Variants in TXNRD2 observed in about 807,000 individuals in gnomAD.
The protein encoded by TXNRD2 is thioredoxin reductase 2, mitochondrial.
A neutral mutation model predicts 70.8 loss-of-function variants in TXNRD2; 67 were observed. The ratio of observed to expected loss-of-function variants is 0.95; its 90% CI spans 0.78 to 1.16. TXNRD2 has a LOEUF of 1.16. Among genes scored for constraint, TXNRD2 ranks in the 50% most tolerant of loss-of-function variants. The probability of loss-of-function intolerance (pLI) is 0.00; values close to 1 mark genes in which losing one functional copy is unlikely to be tolerated. For synonymous variants in TXNRD2, 301 were observed against 295.8 expected, an observed-to-expected ratio of 1.02 and a Z score of -0.18; for missense variants, 644 against 719.9, an observed-to-expected ratio of 0.89 and a Z score of 1.21.
At chr22:19,892,264 C>T (rs759807030) in intron 11 of TXNRD2, among the ~76,000 whole-genome samples, 1 of 152,380 alleles carries the variant, frequency 6.6e-6, no homozygotes, top group East Asian at 1.9e-4. Context: ...CAGCAGAAAA[C>T]GCTCGCAGTT....
At chr22:19,934,235 T>G (rs1170412700) in intron 1 of TXNRD2, among the ~76,000 whole-genome samples, 1 of 151,932 alleles carries the variant, frequency 6.6e-6, no homozygotes, top group East Asian at 1.9e-4. Context: ...CTTCCTACTC[T>G]AAAAGGAGAA....
intron 2 of TXNRD2, among the ~76,000 whole-genome samples, chr22:19,925,145 A>T (rs111619820): frequency 6.6e-6 from 1 of 151,710 alleles, no homozygotes; most frequent in Non-Finnish European, 1.5e-5. Context: ...TTAGACGGGC[A>T]TGGTGGCATG....
chr22:19,941,306 T>C (rs1367190429), intron 1 of TXNRD2, among the ~76,000 whole-genome samples: 2 of 152,130 alleles, frequency 1.3e-5, no homozygotes, highest in East Asian at 3.9e-4. Flanking sequence ...CATTGCTCTG[T>C]GCAGCCTCTA....
chr22:19,877,485 T>C (rs1241980763), intron 16 of TXNRD2, among the ~76,000 whole-genome samples: 1 of 152,122 alleles, frequency 6.6e-6, no homozygotes, highest in Non-Finnish European at 1.5e-5. Context: ...GGCTTCCTGC[T>C]GTTCCATCCT....
intron 1 of TXNRD2, among the ~76,000 whole-genome samples, chr22:19,939,249 G>C (rs1322579147): frequency 1.3e-5 from 2 of 152,128 alleles, no homozygotes; most frequent in Admixed American, 6.5e-5. Context: ...AATCAAAATG[G>C]GTCTGGTTCA....
intron 1 of TXNRD2, among the ~76,000 whole-genome samples, chr22:19,937,427 C>G (rs956544370): frequency 8.5e-5 from 13 of 152,284 alleles, no homozygotes; most frequent in Admixed American, 2.0e-4. Context: ...AAAAATCTGT[C>G]TCTGATGAGC....
At chr22:19,924,282 G>A (rs968129657) in intron 2 of TXNRD2, among the ~76,000 whole-genome samples, 11 of 151,874 alleles carry the variant, frequency 7.2e-5, no homozygotes, top group African/African-American at 2.4e-4. Context: ...TGATCCAAGC[G>A]AGGCTGAAAA....
chr22:19,881,214 T>A, intron 12 of TXNRD2: 1 of 403,566 alleles, frequency 2.5e-6, no homozygotes, highest in Non-Finnish European at 4.4e-6. Context: ...TGGAGATCCC[T>A]CCGTCCCAGG....
At chr22:19,912,039 C>T (rs1023391796) in intron 7 of TXNRD2, among the ~76,000 whole-genome samples, 3 of 152,136 alleles carry the variant, frequency 2.0e-5, no homozygotes, top group Non-Finnish European at 4.4e-5. Context: ...TGAGGGGCAG[C>T]TCTGAGGGCA....
intron 4 of TXNRD2, 73 bp from the exon 5 acceptor site, chr22:19,918,290 A>T: frequency 1.6e-6 from 2 of 1,258,590 alleles, no homozygotes; most frequent in East Asian, 2.3e-5. Context: ...ATGGACTATT[A>T]GATTCAAATG....
chr22:19,934,602 G>A (rs978284188), intron 1 of TXNRD2, among the ~76,000 whole-genome samples: 8 of 143,080 alleles, frequency 5.6e-5, no homozygotes, highest in East Asian at 4.1e-4. Flanking sequence ...TCTCTCTGTC[G>A]CCCAGGCTGG....
At chr22:19,929,928 C>T (rs1941295517) in intron 2 of TXNRD2, among the ~76,000 whole-genome samples, 1 of 152,188 alleles carries the variant, frequency 6.6e-6, no homozygotes, top group Non-Finnish European at 1.5e-5. Context: ...GGAGACATAC[C>T]CAGGAGCTGT....
At chr22:19,927,512 G>A (rs12168788) in intron 2 of TXNRD2, among the ~76,000 whole-genome samples, 5 of 151,258 alleles carry the variant, frequency 3.3e-5, no homozygotes, top group Admixed American at 3.3e-4. Context: ...ACAAAAAGTA[G>A]CTGGGCATGG....
Position 19,877,203 on chromosome 22 carries a change from TC to T in TXNRD2, c.1476del (p.Thr493ProfsTer12). ...GAGCATGTGGGATGGATACCCACGG[TC>T]CGCATCACCTGCGCATAGGAAGCCC... ...KCGASYAQVMRTVGIHPTCSE... is the reference protein window; with the variant it reads ...KCGASYAQVMXTVGIHPTCSE... On this transcript the variant is annotated frameshift_variant, in exon 17 of 18. Transcript: ENST00000400521. LOFTEE classifies it high-confidence loss of function. 2 of 1,611,384 alleles carry T rather than the reference TC, an allele frequency of 1.2e-6. No homozygotes were observed. The highest frequency in any genetic ancestry group is 1.7e-6 in the Non-Finnish European group (2 of 1,178,648).
At chr22:19,882,291 C>G (rs986046733) in intron 12 of TXNRD2, among the ~76,000 whole-genome samples, 12 of 152,152 alleles carry the variant, frequency 7.9e-5, no homozygotes, top group African/African-American at 2.9e-4. Context: ...TTCCTCCTCC[C>G]GAGTTCAAAT....
intron 8 of TXNRD2, among the ~76,000 whole-genome samples, chr22:19,907,825 C>A (rs558550338): frequency 2.3e-4 from 9 of 39,102 alleles, no homozygotes; most frequent in Non-Finnish European, 4.5e-4. Flanking sequence ...GTAGCAGTGA[C>A]CGCTCTCAGG....
intron 8 of TXNRD2, among the ~76,000 whole-genome samples, chr22:19,908,571 T>C (rs1188328830): frequency 6.6e-6 from 1 of 152,200 alleles, no homozygotes; most frequent in African/African-American, 2.4e-5. Flanking sequence ...GTGTGGGCGC[T>C]GTTGGGAACA....
intron 11 of TXNRD2, among the ~76,000 whole-genome samples, chr22:19,885,133 C>G (rs1003744429): frequency 2.0e-5 from 3 of 152,188 alleles, no homozygotes; most frequent in Non-Finnish European, 4.4e-5. Context: ...GAACAGCCAG[C>G]AGAGGTCCCT....
At chr22:19,915,713 A>G in intron 6 of TXNRD2, 52 bp downstream of exon 6, 1 of 1,548,622 alleles carries the variant, frequency 6.5e-7, no homozygotes, top group Non-Finnish European at 8.9e-7. Context: ...GTTGGTGCCC[A>G]AGGTCTGCAG....
Sources: gnomAD v4.1 joint callset for allele counts (sites outside exome capture counted in the v4.1 genomes callset) on GRCh38, gnomAD v4.1.1 for gene constraint, MANE v1.5 for transcripts, NCBI Gene and HGNC (gene_info 2026-07-23, HGNC 2026-07-21) for gene names.